PCDHA13: variants seen among roughly 807,000 people sequenced by gnomAD.
The protein encoded by PCDHA13 is protocadherin alpha 13, also known as protocadherin alpha-13.
A neutral mutation model predicts 64.8 loss-of-function variants in PCDHA13; 54 were observed. The ratio of observed to expected loss-of-function variants is 0.83; its 90% CI spans 0.67 to 1.04. The LOEUF is 1.04. Among genes scored for constraint, PCDHA13 ranks in the 50% least tolerant of loss-of-function variants. The pLI, the probability that PCDHA13 is intolerant of heterozygous loss-of-function variation, is 0.00. For missense variants in PCDHA13, 1,248 were observed against 1,254.3 expected (o/e 0.99, Z 0.08); for synonymous variants, 587 against 564.4 (o/e 1.04, Z -0.57).
intron 1 of PCDHA13, among the ~76,000 whole-genome samples, chr5:140,892,143 C>T (rs983937899): frequency 3.3e-5 from 5 of 152,262 alleles, no homozygotes; most frequent in African/African-American, 9.6e-5. Flanking sequence ...ATGGTTTTAG[C>T]GTCTATTTCT....
Position 140,966,357 on chromosome 5 carries a change from T to A in PCDHA13, c.2395-12592T>A, listed in dbSNP as rs3756326. ...AGGTCCAGGGTGAAGGAGATGGGGCTGGAGAGGCTGAGCAGTCCGGGTTCG... is the reference window on the plus strand; with the variant it reads ...AGGTCCAGGGTGAAGGAGATGGGGCAGGAGAGGCTGAGCAGTCCGGGTTCG... On this transcript the variant is annotated intron_variant, in intron 1 of 3. Coordinates refer to ENST00000289272, the MANE Select transcript of PCDHA13 (RefSeq NM_018904.3). The A allele has an allele frequency of 3.3e-4, 131 of 400,654 alleles. 3 individuals are homozygous for A. Among genetic ancestry groups the A allele is most frequent in the East Asian group, 2.0e-3 (56 of 27,900 alleles). The allele number at this position is 400,654 out of a possible 1,614,324, so 24.8% of individuals were successfully genotyped here.
chr5:141,004,350 G>A (rs2098163029), intron 3 of PCDHA13, among the ~76,000 whole-genome samples: 1 of 152,192 alleles, frequency 6.6e-6, no homozygotes, highest in South Asian at 2.1e-4. Context: ...GTGAGGGACT[G>A]GAGAGACCAC....
At chr5:140,888,870 A>G (rs2062015576) in intron 1 of PCDHA13, among the ~76,000 whole-genome samples, 1 of 152,158 alleles carries the variant, frequency 6.6e-6, no homozygotes, top group Non-Finnish European at 1.5e-5. Flanking sequence ...ATGTCTCAAC[A>G]TAAAAATTAA....
intron 1 of PCDHA13, among the ~76,000 whole-genome samples, chr5:140,935,834 C>G (rs1037488504): frequency 1.3e-5 from 2 of 151,624 alleles, no homozygotes; most frequent in African/African-American, 2.4e-5. Flanking sequence ...ACACATATTC[C>G]ATACTGCTTA....
chr5:140,899,833 G>T (rs2067579431), intron 1 of PCDHA13, among the ~76,000 whole-genome samples: 1 of 152,094 alleles, frequency 6.6e-6, no homozygotes, highest in African/African-American at 2.4e-5. Flanking sequence ...TTTTGAGACA[G>T]GTCTTGCTGT....
chr5:141,004,982 A>G (rs1445212778), intron 3 of PCDHA13, among the ~76,000 whole-genome samples: 2 of 152,234 alleles, frequency 1.3e-5, no homozygotes, highest in African/African-American at 2.4e-5. Flanking sequence ...TTGCAGTATC[A>G]TTATCTTGGT....
intron 1 of PCDHA13, among the ~76,000 whole-genome samples, chr5:140,978,710 A>G (rs576055391): frequency 1.3e-5 from 2 of 152,378 alleles, no homozygotes; most frequent in East Asian, 3.9e-4. Flanking sequence ...GGTGGCCTTT[A>G]CAAGATTATT....
chr5:140,965,527 A>G (rs2095909626), intron 1 of PCDHA13, among the ~76,000 whole-genome samples: 1 of 151,946 alleles, frequency 6.6e-6, no homozygotes, highest in Non-Finnish European at 1.5e-5. Flanking sequence ...CAAAGCATTA[A>G]TGGAATCCAA....
chr5:141,002,923 C>T (rs1261794185), intron 3 of PCDHA13, among the ~76,000 whole-genome samples: 6 of 152,220 alleles, frequency 3.9e-5, no homozygotes, highest in African/African-American at 1.2e-4. Flanking sequence ...AAAGTGAACA[C>T]CCTCCAACAC....
At chr5:140,885,864 GA>G (rs1267536827) in intron 1 of PCDHA13, among the ~76,000 whole-genome samples, 5 of 151,842 alleles carry the variant, frequency 3.3e-5, no homozygotes, top group African/African-American at 4.8e-5. Context: ...CTTTTCTATT[GA>G]AAAAAAATTT....
intron 1 of PCDHA13, among the ~76,000 whole-genome samples, chr5:140,978,103 A>G (rs2096789005): frequency 6.6e-6 from 1 of 152,106 alleles, no homozygotes; most frequent in South Asian, 2.1e-4. Flanking sequence ...AACTCCCCCA[A>G]CAGTCTTTAA....
intron 1 of PCDHA13, among the ~76,000 whole-genome samples, chr5:140,962,950 C>T (rs2095723700): frequency 6.6e-6 from 1 of 152,152 alleles, no homozygotes; most frequent in African/African-American, 2.4e-5. Flanking sequence ...ATAAGATATG[C>T]TCTATCCCTA....
intron 1 of PCDHA13, among the ~76,000 whole-genome samples, chr5:140,960,268 C>T (rs909300103): frequency 3.3e-5 from 5 of 152,222 alleles, no homozygotes; most frequent in African/African-American, 7.2e-5. Context: ...TGATAAATTC[C>T]GTCACCTTTT....
chr5:140,906,137 G>C (rs1462672499), intron 1 of PCDHA13, among the ~76,000 whole-genome samples: 1 of 152,008 alleles, frequency 6.6e-6, no homozygotes, highest in East Asian at 1.9e-4. Context: ...AGTCTCCTTT[G>C]ATAACACCCT....
chr5:140,996,312 G>A (rs1397001765), intron 3 of PCDHA13, among the ~76,000 whole-genome samples: 2 of 152,186 alleles, frequency 1.3e-5, no homozygotes, highest in African/African-American at 2.4e-5. Flanking sequence ...CAAAGTAAGG[G>A]GGGAGGGTAG....
Position 140,883,744 on chromosome 5 carries a change from C to T in PCDHA13, c.1476C>T (p.Tyr492=), listed in dbSNP as rs782708384. The change falls in exon 1 of 4, where the codon TAC becomes TAT. Residue 492 remains tyrosine, a synonymous_variant. Coordinates refer to ENST00000289272, the MANE Select transcript of PCDHA13 (RefSeq NM_018904.3). The part of the protein sequence containing the change: ...ADAQENALVS[Y]SLVERRVGER... ...CACAGGAGAACGCGCTGGTCTCCTA[C>T]TCGCTGGTGGAGCGGCGGGTGGGCG... 1 of 1,613,374 alleles carries T rather than the reference C, an allele frequency of 6.2e-7. No homozygotes were observed. The highest frequency in any genetic ancestry group is 1.1e-5 in the South Asian group (1 of 91,046).
chr5:140,972,910 C>G (rs2096563603), intron 1 of PCDHA13, among the ~76,000 whole-genome samples: 1 of 152,054 alleles, frequency 6.6e-6, no homozygotes, highest in Non-Finnish European at 1.5e-5. Flanking sequence ...GATCCACCCG[C>G]CTTGGCCTCC....
At chr5:140,893,011 T>C (rs1194599055) in intron 1 of PCDHA13, among the ~76,000 whole-genome samples, 1 of 152,234 alleles carries the variant, frequency 6.6e-6, no homozygotes, top group Non-Finnish European at 1.5e-5. Flanking sequence ...TATTTTTCTG[T>C]GCCTGACTTA....
chr5:140,922,527 C>T (rs1436336713), intron 1 of PCDHA13, among the ~76,000 whole-genome samples: 2 of 152,130 alleles, frequency 1.3e-5, no homozygotes, highest in East Asian at 3.9e-4. Flanking sequence ...AAGATTGAAC[C>T]TAAGGATGTG....
Sources: gnomAD v4.1 joint callset for allele counts (sites outside exome capture counted in the v4.1 genomes callset) on GRCh38, gnomAD v4.1.1 for gene constraint, MANE v1.5 for transcripts, NCBI Gene and HGNC (gene_info 2026-07-23, HGNC 2026-07-21) for gene names.